DNAH6: variants seen among roughly 807,000 people sequenced by gnomAD.
DNAH6 encodes the protein dynein axonemal heavy chain 6.
In DNAH6, 340 loss-of-function variants were observed where a neutral mutation model predicts 491.4. That is an observed-to-expected ratio of 0.69 (90% CI 0.63 to 0.76). DNAH6 has a LOEUF of 0.76. Ranked by LOEUF, DNAH6 falls within the 30% of genes least tolerant of loss-of-function variation. The pLI is 0.00. For missense variants in DNAH6, 4,443 were observed against 4,972.2 expected, an observed-to-expected ratio of 0.89 and a Z score of 3.20; for synonymous variants, 1,603 against 1,686.1, an observed-to-expected ratio of 0.95 and a Z score of 1.21.
intron 70 of DNAH6, among the ~76,000 whole-genome samples, chr2:84,803,683 CTA>C (rs35203044): frequency 0.024 from 3,689 of 151,930 alleles, 75 homozygotes; most frequent in South Asian, 0.061. Flanking sequence ...AAATGAGAAA[CTA>C]TTTTATCCAT....
chr2:84,624,272 A>T lies in DNAH6; in HGVS notation c.4079A>T (p.Asn1360Ile), dbSNP rs1485975808. The T allele has an allele frequency of 3.9e-6, 6 of 1,544,152 alleles. No homozygotes were observed. The highest frequency in any genetic ancestry group is 5.2e-6 in the Non-Finnish European group (6 of 1,144,890). Residue 1360 changes from asparagine (N) to isoleucine (I), a missense_variant, in exon 27 of 77, where the codon AAT becomes ATT. By Grantham distance (149) the Asn-to-Ile change is moderately radical. Around this residue, in one of 3 missense-constraint regions of DNAH6, gnomAD observed 2,977 missense variants for 3,296.6 expected, o/e 0.90. Coordinates refer to ENST00000389394, the MANE Select transcript of DNAH6 (RefSeq NM_001370.2). The stretch of plus-strand genomic sequence containing the variant: ...AATTTTTTTTATTTGTAGAGATTAA[A>T]TGCCCTAGCTGCAATAGTTCAAGGC... ...NFEKVNFERL[N>I]ALAAIVQGSL...
At chr2:84,573,961 T>C (rs1326390086) in intron 12 of DNAH6, among the ~76,000 whole-genome samples, 1 of 152,302 alleles carries the variant, frequency 6.6e-6, no homozygotes, top group South Asian at 2.1e-4. Flanking sequence ...CAGGAACTTA[T>C]TCTTTTTTCT....
intron 35 of DNAH6, among the ~76,000 whole-genome samples, chr2:84,655,739 T>C (rs990033569): frequency 2.0e-5 from 3 of 152,052 alleles, no homozygotes; most frequent in Non-Finnish European, 4.4e-5. Context: ...GAAATGAGAG[T>C]TCCCATGCAC....
chr2:84,623,547 G>A (rs1462375371), intron 26 of DNAH6, among the ~76,000 whole-genome samples: 1 of 152,040 alleles, frequency 6.6e-6, no homozygotes, highest in Non-Finnish European at 1.5e-5. Context: ...CTTTATTGAA[G>A]TAAGAGAAAA....
intron 7 of DNAH6, 120 bp downstream of exon 7, chr2:84,547,732 T>C: frequency 9.5e-7 from 1 of 1,048,718 alleles, no homozygotes; most frequent in Non-Finnish European, 1.4e-6. Context: ...GTTCCAAACA[T>C]TTGATGGATA....
Position 84,637,387 on chromosome 2 carries a change from AC to A in DNAH6, c.4821+11del. 6.6e-7 allele frequency: 1 copy of A among 1,523,388 alleles called. No homozygotes were observed. The highest frequency in any genetic ancestry group is 1.4e-5 in the African/African-American group (1 of 72,220). The allele number at this position is 1,523,388 out of a possible 1,614,324, so 94.4% of individuals were successfully genotyped here. A position where few individuals can be genotyped will look rare whatever the true frequency, so the allele number is the denominator to read the frequency against. On this transcript the variant is annotated intron_variant, in intron 31 of 76. Transcript: ENST00000389394. ...TGCCTTGATTGCAGAGGTGAGCATC[AC>A]ATTATAAAGCAGCAGAAATGTAAAC...
chr2:84,583,965 C>T (rs774406571), intron 14 of DNAH6, 34 bp from the exon 15 acceptor site: 47 of 1,605,736 alleles, frequency 2.9e-5, no homozygotes, highest in Non-Finnish European at 3.7e-5. Flanking sequence ...TAGGATTCTG[C>T]TACATTTAAT....
chr2:84,631,754 T>G (rs1359440066), intron 29 of DNAH6, among the ~76,000 whole-genome samples: 1 of 152,156 alleles, frequency 6.6e-6, no homozygotes, highest in Non-Finnish European at 1.5e-5. Flanking sequence ...GAGCATGGCT[T>G]TGTTGATACC....
At chr2:84,479,640 T>C in the DNAH6 span, among the ~76,000 whole-genome samples, 1 of 152,138 alleles carries the variant, frequency 6.6e-6, no homozygotes, top group Non-Finnish European at 1.5e-5. Flanking sequence ...ACCCACTCCG[T>C]ACCCACTCTG....
upstream of DNAH6, among the ~76,000 whole-genome samples, chr2:84,512,540 T>C (rs538363760): frequency 1.3e-5 from 2 of 152,234 alleles, no homozygotes; most frequent in African/African-American, 2.4e-5. Context: ...TTCCAACATA[T>C]GAACTTCAGG....
chr2:84,699,806 A>C, intron 48 of DNAH6, 72 bp downstream of exon 48: 1 of 1,449,304 alleles, frequency 6.9e-7, no homozygotes, highest in African/African-American at 1.4e-5. Context: ...CACATTGTCC[A>C]AGAGTAACTC....
At chr2:84,769,926 A>G (rs1675453463) in intron 64 of DNAH6, among the ~76,000 whole-genome samples, 1 of 152,200 alleles carries the variant, frequency 6.6e-6, no homozygotes, top group Admixed American at 6.5e-5. Context: ...CTCACAAAAG[A>G]CATGAGAAGA....
chr2:84,608,545 G>A (rs1005021766), intron 21 of DNAH6, among the ~76,000 whole-genome samples: 2 of 152,132 alleles, frequency 1.3e-5, no homozygotes, highest in Non-Finnish European at 2.9e-5. Context: ...CATTGTCAAT[G>A]AGCAGTAATA....
chr2:84,521,170 C>T (rs990684777), intron 2 of DNAH6, among the ~76,000 whole-genome samples: 1 of 151,868 alleles, frequency 6.6e-6, no homozygotes, highest in African/African-American at 2.4e-5. Context: ...GCCATTCTGA[C>T]TGGTATGAGA....
At chr2:84,698,224 C>G (rs1331804076) in intron 47 of DNAH6, among the ~76,000 whole-genome samples, 1 of 152,130 alleles carries the variant, frequency 6.6e-6, no homozygotes. Context: ...AGCTTTTTTC[C>G]TTGTTTTTGC....
intron 63 of DNAH6, chr2:84,750,699 T>A (rs879656244): frequency 6.6e-5 from 10 of 152,166 alleles, no homozygotes; most frequent in Admixed American, 1.3e-4. Context: ...TTATATTTAC[T>A]TGAAATTTTC....
At position 84,619,821 on chromosome 2, in the gene DNAH6, G is replaced by A. The variant is rs1687232929; in HGVS notation, c.3709G>A (p.Gly1237Arg). The A allele has an allele frequency of 6.4e-7, 1 of 1,551,340 alleles. No homozygotes were observed. The highest frequency in any genetic ancestry group is 8.7e-7 in the Non-Finnish European group (1 of 1,146,850). Residue 1237 changes from glycine to arginine, a missense_variant, in exon 24 of 77, where the codon GGA (glycine) becomes AGA (arginine). Around this residue, in one of 3 missense-constraint regions of DNAH6, gnomAD observed 2,977 missense variants for 3,296.6 expected, o/e 0.90. Transcript: ENST00000389394. Reference sequence around the variant, plus strand: ...ATTTGCTCTCATGCCTCCTGCCGAAGGAAAGATTCCTGGTATTGATGGAGA... The same window carrying A: ...ATTTGCTCTCATGCCTCCTGCCGAAAGAAAGATTCCTGGTATTGATGGAGA... ...LEFALMPPAE[G>R]KIPGIDGEPE...
At chr2:84,687,492 C>T (rs1384027150) in intron 44 of DNAH6, among the ~76,000 whole-genome samples, 2 of 151,936 alleles carry the variant, frequency 1.3e-5, no homozygotes, top group East Asian at 3.8e-4. Flanking sequence ...TATTACCACC[C>T]GACAAATAAA....
intron 33 of DNAH6, among the ~76,000 whole-genome samples, chr2:84,651,137 A>G (rs1026489018): frequency 6.6e-6 from 1 of 152,104 alleles, no homozygotes; most frequent in Non-Finnish European, 1.5e-5. Context: ...CTGATGCCAC[A>G]AGGGAAGACA....
Sources: gnomAD v4.1 joint callset for allele counts (sites outside exome capture counted in the v4.1 genomes callset) on GRCh38, gnomAD v4.1.1 for gene constraint, gnomAD v4.1.1 regional missense constraint, MANE v1.5 for transcripts, NCBI Gene and HGNC (gene_info 2026-07-23, HGNC 2026-07-21) for gene names.